The following NECAB2 variants were observed in gnomAD, a reference collection of about 807,000 sequenced individuals.
The protein encoded by NECAB2 is N-terminal EF-hand calcium-binding protein 2.
A neutral mutation model predicts 51.9 loss-of-function variants in NECAB2; 68 were observed. The ratio of observed to expected loss-of-function variants is 1.31; its 90% CI spans 1.08 to 1.60. The LOEUF (loss-of-function observed/expected upper bound fraction) is 1.60. NECAB2 is among the 40% of genes most tolerant of loss of function. NECAB2 has a pLI of 0.00. For missense variants in NECAB2, 854 were observed against 490.3 expected (o/e 1.74, Z -7.00); for synonymous variants, 329 against 203.5 (o/e 1.62, Z -5.25).
At position 83,968,550 on chromosome 16, in the gene NECAB2, G is replaced by T; in HGVS notation, c.-99G>T. ...CCGCGGGGGCAGCGGGAGAGAGGGC[G>T]GGGCGGCGCGGGCAGCGCGGGGAGG... On this transcript the variant is annotated 5_prime_UTR_variant, in exon 1 of 13. Coordinates refer to ENST00000305202, the MANE Select transcript of NECAB2 (RefSeq NM_019065.3). 1.1e-6 allele frequency: 1 copy of T among 919,178 alleles called. No homozygotes were observed. The highest frequency in any genetic ancestry group is 4.8e-5 in the South Asian group (1 of 20,680). The allele number at this position is 919,178 out of a possible 1,614,324, so 56.9% of individuals were successfully genotyped here. A position where few individuals can be genotyped will look rare whatever the true frequency, so the allele number is the denominator to read the frequency against.
At position 83,994,262 on chromosome 16, in the gene NECAB2, C is replaced by A. The variant is rs11862674; in HGVS notation, c.597-40C>A. On this transcript the variant is annotated intron_variant, in intron 6 of 12. Coordinates refer to ENST00000305202, the MANE Select transcript of NECAB2 (RefSeq NM_019065.3). ...GCTGGAAGTGGTAAGGGCCCTGAAG[C>A]CACCGCCATGGTCTGTGTGTGTTCC... 5,699 of 1,594,986 alleles carry A rather than the reference C, an allele frequency of 3.6e-3. 173 individuals are homozygous for A. In the African/African-American group the frequency reaches 0.068, roughly 19 times the overall value.
At chr16:83,988,831 TC>T (rs909102801) in intron 5 of NECAB2, among the ~76,000 whole-genome samples, 2 of 123,310 alleles carry the variant, frequency 1.6e-5, no homozygotes, top group South Asian at 2.2e-4. Context: ...GCAAGCTCAG[TC>T]CCCCCCCATT....
intron 10 of NECAB2, among the ~76,000 whole-genome samples, chr16:83,999,392 G>C (rs975852742): frequency 6.6e-6 from 1 of 152,176 alleles, no homozygotes; most frequent in African/African-American, 2.4e-5. Flanking sequence ...ACCCCGATGC[G>C]CTGTGGAGAG....
At chr16:83,989,668 G>C (rs1056913502) in intron 5 of NECAB2, among the ~76,000 whole-genome samples, 2 of 152,104 alleles carry the variant, frequency 1.3e-5, no homozygotes, top group African/African-American at 4.8e-5. Flanking sequence ...TGAGCGACGT[G>C]GGTAAGCAGA....
intron 2 of NECAB2, among the ~76,000 whole-genome samples, chr16:83,975,734 A>T (rs2247474): frequency 0.11 from 16,243 of 152,136 alleles, 1,239 homozygotes; most frequent in African/African-American, 0.21. Context: ...CTTCAGGGAC[A>T]TGGACGCTGA....
At chr16:83,997,358 C>G in intron 9 of NECAB2, 89 bp downstream of exon 9, 4 of 1,525,432 alleles carry the variant, frequency 2.6e-6, no homozygotes, top group Non-Finnish European at 2.7e-6. Flanking sequence ...CCCCTGACCC[C>G]GCTCTCCCTG....
intron 10 of NECAB2, 56 bp downstream of exon 10, chr16:83,998,373 T>C: frequency 1.3e-6 from 2 of 1,538,396 alleles, no homozygotes; most frequent in Non-Finnish European, 1.8e-6. Flanking sequence ...TGCCTGGCAG[T>C]GGAGGAACAG....
At chr16:83,997,842 G>T (rs1436328313) in intron 9 of NECAB2, among the ~76,000 whole-genome samples, 1 of 152,100 alleles carries the variant, frequency 6.6e-6, no homozygotes, top group Non-Finnish European at 1.5e-5. Context: ...AGAGCAAAGT[G>T]ATCAGCCAGA....
intron 6 of NECAB2, among the ~76,000 whole-genome samples, chr16:83,992,131 CAG>C (rs1338174758): frequency 6.6e-6 from 1 of 152,080 alleles, no homozygotes; most frequent in South Asian, 2.1e-4. Context: ...GGGGGGAAAT[CAG>C]AGAGGTGTTG....
At chr16:83,996,387 C>T (rs1258282868) in intron 8 of NECAB2, among the ~76,000 whole-genome samples, 7 of 152,212 alleles carry the variant, frequency 4.6e-5, no homozygotes, top group Admixed American at 1.3e-4. Flanking sequence ...TGCAAGGTCC[C>T]TTGCTCAAAC....
rs184210660 is a variant in NECAB2, at chr16:83,978,581, G to A, written c.335+29G>A. 2.0e-5 allele frequency: 32 copies of A among 1,573,916 alleles called. No individual in the cohort carries two copies. In the Middle Eastern group the frequency reaches 5.0e-4, roughly 25 times the overall value. On this transcript the variant is annotated intron_variant, in intron 3 of 12. Transcript: ENST00000305202. ...AGCTTCAGTCCTGGCTGGCAGAGTGGGGGTGTGTGTGGGCTGTGGTGGAGG... is the reference window on the plus strand; with the variant it reads ...AGCTTCAGTCCTGGCTGGCAGAGTGAGGGTGTGTGTGGGCTGTGGTGGAGG...
At position 84,002,477 on chromosome 16, in the gene NECAB2, C is replaced by A; in HGVS notation, c.*131C>A. 2 of 1,302,000 alleles carry A rather than the reference C, an allele frequency of 1.5e-6. No homozygotes were observed. The highest frequency in any genetic ancestry group is 2.4e-5 in the South Asian group (2 of 83,190). The allele number at this position is 1,302,000 out of a possible 1,614,324, so 80.7% of individuals were successfully genotyped here. The stretch of plus-strand genomic sequence containing the variant: ...CCATCCTCCACAAGAAGGTGTTTCC[C>A]TGTTGTTAAGTGAAGGAGGCCGCCC... On this transcript the variant is annotated 3_prime_UTR_variant, in exon 13 of 13. Coordinates refer to ENST00000305202, the MANE Select transcript of NECAB2 (RefSeq NM_019065.3).
At position 83,968,408 on chromosome 16, in the gene NECAB2, G is replaced by T. The variant is rs913017128; in HGVS notation, c.-241G>T. On this transcript the variant is annotated 5_prime_UTR_variant, in exon 1 of 13. Transcript: ENST00000305202. ...GCGCCCGCGCCCCTCGCCCCGGCGG[G>T]CAGTCCTCAGGCCCCGCGCCCGGCC... Among the ~76,000 whole-genome samples the T allele has an allele frequency of 6.7e-6, 1 of 149,150 alleles. No individual in the cohort carries two copies. The highest frequency in any genetic ancestry group is 2.4e-5 in the African/African-American group (1 of 40,968).
intron 5 of NECAB2, among the ~76,000 whole-genome samples, chr16:83,986,480 C>T (rs1382314168): frequency 6.6e-6 from 1 of 152,146 alleles, no homozygotes; most frequent in African/African-American, 2.4e-5. Context: ...CAACCAATTG[C>T]CCTGTGGAGA....
At chr16:83,984,475 C>G (rs1394293784) in intron 5 of NECAB2, among the ~76,000 whole-genome samples, 1 of 151,596 alleles carries the variant, frequency 6.6e-6, no homozygotes, top group Non-Finnish European at 1.5e-5. Flanking sequence ...GTAATTCCAG[C>G]ACTTTGGGAG....
intron 2 of NECAB2, among the ~76,000 whole-genome samples, chr16:83,974,808 A>T (rs1332657508): frequency 6.6e-6 from 1 of 151,950 alleles, no homozygotes; most frequent in African/African-American, 2.4e-5. Flanking sequence ...AAGAGGAATG[A>T]GTGTAGGGGT....
intron 2 of NECAB2, 146 bp from the exon 3 acceptor site, chr16:83,978,298 G>C (rs112400695): frequency 1.6e-6 from 1 of 622,322 alleles, no homozygotes; most frequent in African/African-American, 1.9e-5. Context: ...TTTAGTTTGG[G>C]GATTAGCTGG....
chr16:83,974,164 C>T (rs2084379180), intron 2 of NECAB2, among the ~76,000 whole-genome samples: 1 of 152,130 alleles, frequency 6.6e-6, no homozygotes, highest in South Asian at 2.1e-4. Flanking sequence ...GGGGCTGTCA[C>T]CAGGGTGAAT....
chr16:83,984,087 C>T (rs968963888), intron 5 of NECAB2, among the ~76,000 whole-genome samples: 1 of 151,516 alleles, frequency 6.6e-6, no homozygotes, highest in Non-Finnish European at 1.5e-5. Context: ...GCTCCGCCTC[C>T]CGGGTTCACG....
Sources: gnomAD v4.1 joint callset for allele counts (sites outside exome capture counted in the v4.1 genomes callset) on GRCh38, gnomAD v4.1.1 for gene constraint, MANE v1.5 for transcripts, NCBI Gene and HGNC (gene_info 2026-07-23, HGNC 2026-07-21) for gene names.